Variants in ITPR2 observed in about 807,000 individuals in gnomAD.
ITPR2 encodes the protein inositol 1,4,5-trisphosphate receptor type 2.
In ITPR2, 207 loss-of-function variants were observed where a neutral mutation model predicts 317.1. The ratio of observed to expected loss-of-function variants is 0.65; its 90% CI spans 0.58 to 0.73. The LOEUF is 0.73. ITPR2 is among the 30% of genes least tolerant of loss of function. The pLI, the probability that ITPR2 is intolerant of heterozygous loss-of-function variation, is 0.00. For missense variants in ITPR2, 2,613 were observed against 3,284.0 expected, an observed-to-expected ratio of 0.80 and a Z score of 4.99; for synonymous variants, 1,156 against 1,149.1, an observed-to-expected ratio of 1.01 and a Z score of -0.12.
intron 55 of ITPR2, among the ~76,000 whole-genome samples, chr12:26,377,117 C>T (rs1939370547): frequency 6.6e-6 from 1 of 152,138 alleles, no homozygotes; most frequent in Non-Finnish European, 1.5e-5. Flanking sequence ...CCCAAATGTC[C>T]TCACTGTTTT....
intron 1 of ITPR2, among the ~76,000 whole-genome samples, chr12:26,793,230 G>GAA (rs1950374700): frequency 6.6e-6 from 1 of 152,120 alleles, no homozygotes; most frequent in African/African-American, 2.4e-5. Flanking sequence ...TCTATGAGAA[G>GAA]AAAATCATCT....
chr12:26,691,412 C>T (rs1051932115), intron 10 of ITPR2, among the ~76,000 whole-genome samples: 2 of 152,034 alleles, frequency 1.3e-5, no homozygotes, highest in Non-Finnish European at 2.9e-5. Flanking sequence ...CATTAAGGTA[C>T]GACAGAACTT....
At chr12:26,469,868 T>C (rs575814342) in intron 45 of ITPR2, among the ~76,000 whole-genome samples, 2 of 152,244 alleles carry the variant, frequency 1.3e-5, no homozygotes, top group Non-Finnish European at 2.9e-5. Context: ...TGTAAAAATC[T>C]TGAATGATCT....
intron 13 of ITPR2, among the ~76,000 whole-genome samples, chr12:26,672,291 T>C (rs1416336789): frequency 6.6e-6 from 1 of 151,758 alleles, no homozygotes; most frequent in African/African-American, 2.4e-5. Context: ...ATTGACCACA[T>C]AGTTGGAAGT....
intron 52 of ITPR2, among the ~76,000 whole-genome samples, chr12:26,409,866 C>T (rs750508152): frequency 1.1e-4 from 17 of 152,024 alleles, no homozygotes; most frequent in Non-Finnish European, 2.2e-4. Flanking sequence ...CAAATTGCGA[C>T]GACCTGGGAT....
chr12:26,342,670 C>A (rs1350421662), intron 55 of ITPR2, among the ~76,000 whole-genome samples: 2 of 152,102 alleles, frequency 1.3e-5, no homozygotes, highest in African/African-American at 4.8e-5. Context: ...AGTGCAATGG[C>A]ACAATCTCAG....
At chr12:26,642,879 G>A (rs1002242836) in intron 21 of ITPR2, among the ~76,000 whole-genome samples, 1 of 152,090 alleles carries the variant, frequency 6.6e-6, no homozygotes, top group Non-Finnish European at 1.5e-5. Flanking sequence ...CAGAAGTGAA[G>A]GTCTACTCCC....
intron 25 of ITPR2, among the ~76,000 whole-genome samples, chr12:26,621,522 T>A (rs573827022): frequency 9.8e-5 from 15 of 152,288 alleles, no homozygotes; most frequent in South Asian, 6.2e-4. Flanking sequence ...AAGTTAATTT[T>A]TCTGAGACTC....
intron 2 of ITPR2, among the ~76,000 whole-genome samples, chr12:26,754,199 A>C (rs747594780): frequency 4.6e-5 from 7 of 152,254 alleles, no homozygotes; most frequent in Non-Finnish European, 1.0e-4. Flanking sequence ...ATATCTTCAG[A>C]AATGTAAACA....
chr12:26,806,082 A>G (rs1442824496), intron 1 of ITPR2, among the ~76,000 whole-genome samples: 2 of 152,192 alleles, frequency 1.3e-5, no homozygotes. Flanking sequence ...GTCCATAAAT[A>G]TGTTTCTCAA....
chr12:26,591,827 C>T (rs1197934238), intron 32 of ITPR2, among the ~76,000 whole-genome samples: 2 of 138,668 alleles, frequency 1.4e-5, no homozygotes, highest in Non-Finnish European at 3.3e-5. Context: ...CAGAACCAGA[C>T]TCTATCTCAA....
At chr12:26,586,245 G>C (rs994249477) in intron 32 of ITPR2, among the ~76,000 whole-genome samples, 1 of 151,904 alleles carries the variant, frequency 6.6e-6, no homozygotes, top group Non-Finnish European at 1.5e-5. Flanking sequence ...CCTGGGCTCA[G>C]GGGATCCTCT....
chr12:26,340,321 T>A lies in ITPR2; in HGVS notation c.7865A>T (p.Asn2622Ile). 6.3e-7 allele frequency: 1 copy of A among 1,598,698 alleles called. No homozygotes were observed. Among genetic ancestry groups the A allele is most frequent in the Non-Finnish European group, 8.5e-7 (1 of 1,172,512 alleles). The change falls in exon 56 of 57, where the codon AAT (asparagine) becomes ATT (isoleucine). Residue 2622 changes from asparagine to isoleucine, a missense_variant. By Grantham distance (149) the Asn-to-Ile change is moderately radical. Around this residue, in one of 9 missense-constraint regions of ITPR2, gnomAD observed 119 missense variants for 144.3 expected, o/e 0.82. Coordinates refer to ENST00000381340, the MANE Select transcript of ITPR2 (RefSeq NM_002223.4). ...SYVAQMIVEK[N>I]LDWFPRMRAM... ...TCGCATCCGAGGAAACCAATCCAAATTCTTCTCCTGAAAGCAAATAAATGT... is the reference window on the plus strand; with the variant it reads ...TCGCATCCGAGGAAACCAATCCAAAATCTTCTCCTGAAAGCAAATAAATGT...
chr12:26,798,583 G>C (rs1165752439), intron 1 of ITPR2, among the ~76,000 whole-genome samples: 1 of 152,140 alleles, frequency 6.6e-6, no homozygotes, highest in Non-Finnish European at 1.5e-5. Flanking sequence ...TTGCTATTTA[G>C]TAATATGCAC....
chr12:26,814,890 G>A (rs1025889594), intron 1 of ITPR2, among the ~76,000 whole-genome samples: 2 of 152,126 alleles, frequency 1.3e-5, no homozygotes, highest in Non-Finnish European at 2.9e-5. Flanking sequence ...ATACTTACAA[G>A]AGAAGCATGA....
intron 52 of ITPR2, among the ~76,000 whole-genome samples, chr12:26,405,818 C>T (rs1211869162): frequency 6.6e-6 from 1 of 152,042 alleles, no homozygotes; most frequent in Non-Finnish European, 1.5e-5. Flanking sequence ...ACTAGCCAGG[C>T]GTGGTGGTGC....
At chr12:26,740,590 A>G (rs1011131593) in intron 2 of ITPR2, among the ~76,000 whole-genome samples, 1 of 152,238 alleles carries the variant, frequency 6.6e-6, no homozygotes, top group Non-Finnish European at 1.5e-5. Flanking sequence ...CAATGCTTTT[A>G]TAGACTTCAA....
At chr12:26,497,666 T>TTAACAC (rs1942970935) in intron 37 of ITPR2, among the ~76,000 whole-genome samples, 1 of 152,052 alleles carries the variant, frequency 6.6e-6, no homozygotes, top group Non-Finnish European at 1.5e-5. Flanking sequence ...TTGTGCACAG[T>TTAACAC]TAACACTCAA....
At chr12:26,520,976 A>C (rs1406223077) in intron 37 of ITPR2, among the ~76,000 whole-genome samples, 1 of 152,190 alleles carries the variant, frequency 6.6e-6, no homozygotes, top group African/African-American at 2.4e-5. Context: ...CATCTGGATA[A>C]ATTATTTCCT....
Sources: allele counts gnomAD v4.1 joint callset (sites outside exome capture counted in the v4.1 genomes callset), GRCh38; gene constraint gnomAD v4.1.1; regional missense constraint gnomAD v4.1.1; transcripts MANE v1.5; gene names NCBI Gene and HGNC (gene_info 2026-07-23, HGNC 2026-07-21).